CEP112: variants seen among roughly 807,000 people sequenced by gnomAD.
CEP112 encodes the protein centrosomal protein of 112 kDa.
In CEP112, 127 loss-of-function variants were observed where a neutral mutation model predicts 153.0. The ratio of observed to expected loss-of-function variants is 0.83; its 90% CI spans 0.72 to 0.96. The LOEUF (loss-of-function observed/expected upper bound fraction) is 0.96, where lower values mean the gene tolerates loss of function less well. Ranked by LOEUF, CEP112 falls within the 40% of genes least tolerant of loss-of-function variation. The pLI is 0.00. For synonymous variants in CEP112, 358 were observed against 374.4 expected, an observed-to-expected ratio of 0.96 and a Z score of 0.51; for missense variants, 1,089 against 1,101.2, an observed-to-expected ratio of 0.99 and a Z score of 0.16.
chr17:66,101,135 C>A (rs1055659833), intron 6 of CEP112, among the ~76,000 whole-genome samples: 5 of 151,964 alleles, frequency 3.3e-5, no homozygotes, highest in African/African-American at 1.2e-4. Context: ...TTTAAAAATT[C>A]TCTGGACCCT....
At chr17:65,727,819 A>T (rs1394694172) in intron 23 of CEP112, among the ~76,000 whole-genome samples, 2 of 152,208 alleles carry the variant, frequency 1.3e-5, no homozygotes, top group Non-Finnish European at 2.9e-5. Flanking sequence ...TATAGAAGTG[A>T]CAGCTGACAT....
At chr17:65,923,513 C>T (rs1467932252) in intron 19 of CEP112, among the ~76,000 whole-genome samples, 2 of 152,068 alleles carry the variant, frequency 1.3e-5, no homozygotes, top group East Asian at 1.9e-4. Context: ...CCACTGCACT[C>T]CTGCCTGGGA....
chr17:65,678,728 T>C (rs1199216646), intron 24 of CEP112, among the ~76,000 whole-genome samples: 1 of 152,174 alleles, frequency 6.6e-6, no homozygotes, highest in African/African-American at 2.4e-5. Flanking sequence ...AAATGCTTTA[T>C]GGAAAAACAG....
chr17:65,936,472 A>G (rs2061310676), intron 18 of CEP112, among the ~76,000 whole-genome samples: 2 of 152,176 alleles, frequency 1.3e-5, no homozygotes, highest in African/African-American at 4.8e-5. Context: ...CAAGGAAAGA[A>G]CATTACAGGC....
chr17:65,792,472 A>G (rs2054645401), intron 21 of CEP112, among the ~76,000 whole-genome samples: 1 of 152,190 alleles, frequency 6.6e-6, no homozygotes, highest in Non-Finnish European at 1.5e-5. Context: ...GTTCTCATTA[A>G]AACAATGCAG....
At chr17:66,033,802 T>G (rs1192785437) in intron 12 of CEP112, among the ~76,000 whole-genome samples, 1 of 152,262 alleles carries the variant, frequency 6.6e-6, no homozygotes, top group Non-Finnish European at 1.5e-5. Context: ...AAGACATTGC[T>G]TTATTTGCAC....
chr17:65,963,064 ACACAC>A (rs2062271333), intron 17 of CEP112, among the ~76,000 whole-genome samples: 1 of 152,192 alleles, frequency 6.6e-6, no homozygotes, highest in Non-Finnish European at 1.5e-5. Context: ...TTCCAAGGTT[ACACAC>A]CTAGAGTAAC....
chr17:65,840,309 A>G (rs1242832938), intron 21 of CEP112, among the ~76,000 whole-genome samples: 1 of 152,174 alleles, frequency 6.6e-6, no homozygotes, highest in East Asian at 1.9e-4. Flanking sequence ...TGGCAGAGAA[A>G]TATACACACT....
intron 6 of CEP112, among the ~76,000 whole-genome samples, chr17:66,106,801 G>C (rs1365918410): frequency 6.6e-6 from 1 of 151,978 alleles, no homozygotes; most frequent in Non-Finnish European, 1.5e-5. Context: ...CTCAAGGCTA[G>C]TATTACCCTG....
chr17:65,781,924 A>G (rs891755163), intron 21 of CEP112, among the ~76,000 whole-genome samples: 4 of 152,332 alleles, frequency 2.6e-5, no homozygotes. Flanking sequence ...CTCAGGAAAC[A>G]CCATTCTGGA....
intron 11 of CEP112, among the ~76,000 whole-genome samples, chr17:66,055,261 G>T (rs1443277): frequency 0.57 from 86,556 of 151,974 alleles, 25,804 homozygotes; most frequent in African/African-American, 0.67. Flanking sequence ...GTTTCTAGCT[G>T]AATAGGAAGA....
At chr17:65,724,615 A>C (rs560085912) in intron 23 of CEP112, among the ~76,000 whole-genome samples, 1 of 152,340 alleles carries the variant, frequency 6.6e-6, no homozygotes, top group Non-Finnish European at 1.5e-5. Context: ...TTTTCTAGAA[A>C]TGTTTACACA....
At chr17:65,777,020 T>G (rs542079143) in intron 21 of CEP112, among the ~76,000 whole-genome samples, 1 of 152,326 alleles carries the variant, frequency 6.6e-6, no homozygotes, top group East Asian at 1.9e-4. Flanking sequence ...AAATTTTTGG[T>G]TGGGCATCTG....
chr17:66,090,842 G>A (rs548469413), intron 8 of CEP112, among the ~76,000 whole-genome samples: 1 of 152,142 alleles, frequency 6.6e-6, no homozygotes, highest in African/African-American at 2.4e-5. Context: ...AGTGAAGGAA[G>A]AGGAAAAGAT....
intron 24 of CEP112, 57 bp from the exon 25 acceptor site, chr17:65,641,122 T>A: frequency 2.1e-6 from 2 of 956,022 alleles, no homozygotes; most frequent in Non-Finnish European, 3.4e-6. Context: ...TTGTTTTGGA[T>A]TTAAGAAGTC....
intron 4 of CEP112, among the ~76,000 whole-genome samples, chr17:66,147,041 A>C (rs2070947635): frequency 1.3e-5 from 2 of 152,160 alleles, no homozygotes; most frequent in Admixed American, 1.3e-4. Flanking sequence ...CAGAAGTGGG[A>C]ATGTTGGATA....
chr17:66,053,850 C>A lies in CEP112; in HGVS notation c.1104G>T (p.Gln368His). Reference sequence around the variant, plus strand: ...GTTGCTTTTGAAGATCAAACTTTTCCTGTTCCATTTCTGCTACAGCATTGT... The same window carrying A: ...GTTGCTTTTGAAGATCAAACTTTTCATGTTCCATTTCTGCTACAGCATTGT... ...KLHNAVAEME[Q>H]EKFDLQKQHT... Residue 368 changes from glutamine (Q) to histidine (H), a missense_variant, in exon 12 of 27, where the codon CAG (glutamine) becomes CAT (histidine). Gln to His is a conservative substitution (Grantham distance 24). Transcript: ENST00000535342. 1 of 1,613,024 alleles carries A rather than the reference C, an allele frequency of 6.2e-7. No homozygotes were observed. Among genetic ancestry groups the A allele is most frequent in the Non-Finnish European group, 8.5e-7 (1 of 1,179,408 alleles).
At position 66,191,865 on chromosome 17, in the gene CEP112, G is replaced by A. The variant is rs1598538347; in HGVS notation, c.-9+132C>T. 1 of 152,226 alleles carries A rather than the reference G, an allele frequency of 6.6e-6. No individual in the cohort carries two copies. Among genetic ancestry groups the A allele is most frequent in the East Asian group, 1.9e-4 (1 of 5,158 alleles). 9.4% of individuals were successfully genotyped at this position (152,226 alleles called of 1,614,324 possible). ...GCGCGCCCCCCAGGCCCGGAGAACG[G>A]GCCCAGGGCCTGAGGGCGACGCCCC... On this transcript the variant is annotated intron_variant, in intron 1 of 26. Transcript: ENST00000535342. This position sits in a 1 kb window ranked among gnomAD's most constrained non-coding sequence, Gnocchi z 4.2.
At position 66,096,250 on chromosome 17, in the gene CEP112, CCT is replaced by C; in HGVS notation, c.767_768del (p.Glu256AlafsTer11). 6.2e-7 allele frequency: 1 copy of C among 1,602,918 alleles called. No homozygotes were observed. The highest frequency in any genetic ancestry group is 8.5e-7 in the Non-Finnish European group (1 of 1,171,188). Reference protein sequence around the residue: ...DHFLSRIREKELDMKTKMMEA... With the variant: ...DHFLSRIREKXLDMKTKMMEA... ...GTTTATCAGCAATATCTCATTCCTA[CCT>C]CTTTCTCACGTATTCGAGAGAGAAA... On this transcript the variant is annotated frameshift_variant and splice_region_variant, in exon 8 of 27. Coordinates refer to ENST00000535342, the MANE Select transcript of CEP112 (RefSeq NM_001199165.4). LOFTEE classifies it high-confidence loss of function.
Sources: gnomAD v4.1 joint callset for allele counts (sites outside exome capture counted in the v4.1 genomes callset) on GRCh38, gnomAD v4.1.1 for gene constraint, Gnocchi (gnomAD v3.1) non-coding constraint, MANE v1.5 for transcripts, NCBI Gene and HGNC (gene_info 2026-07-23, HGNC 2026-07-21) for gene names.